INTS3: variants seen among roughly 807,000 people sequenced by gnomAD.
INTS3 encodes the protein integrator complex subunit 3.
In INTS3, 34 loss-of-function variants were observed where a neutral mutation model predicts 146.3. The ratio of observed to expected loss-of-function variants is 0.23; its 90% CI spans 0.18 to 0.31. The LOEUF is 0.31. Among genes scored for constraint, INTS3 ranks in the 10% least tolerant of loss-of-function variants. INTS3 has a pLI of 1.00. For synonymous variants in INTS3, 475 were observed against 494.9 expected (o/e 0.96, Z 0.53); for missense variants, 757 against 1,304.2 (o/e 0.58, Z 6.46).
At chr1:153,734,619 G>C (rs960893457) in intron 1 of INTS3, among the ~76,000 whole-genome samples, 9 of 152,202 alleles carry the variant, frequency 5.9e-5, no homozygotes, top group Non-Finnish European at 1.5e-5. Flanking sequence ...TAGGGAAGGG[G>C]CCTAGAGAAA....
intron 7 of INTS3, 72 bp downstream of exon 7, chr1:153,751,311 T>C: frequency 6.8e-7 from 1 of 1,477,852 alleles, no homozygotes; most frequent in Non-Finnish European, 9.3e-7. Context: ...GTTTATGCAG[T>C]GGAGTCAGAA....
chr1:153,765,566 A>C (rs760758368), intron 20 of INTS3, among the ~76,000 whole-genome samples: 11 of 151,272 alleles, frequency 7.3e-5, no homozygotes, highest in Non-Finnish European at 1.3e-4. Flanking sequence ...TTTTAATTTA[A>C]ATTTTTATTT....
chr1:153,770,108 T>TC, intron 23 of INTS3, 90 bp from the exon 24 acceptor site: 1 of 411,660 alleles, frequency 2.4e-6, no homozygotes, highest in Non-Finnish European at 4.4e-6. Flanking sequence ...TGTGTGCTGG[T>TC]AGTCAGTGGA....
chr1:153,745,620 C>A (rs1467713240), intron 3 of INTS3, among the ~76,000 whole-genome samples: 1 of 151,052 alleles, frequency 6.6e-6, no homozygotes, highest in Admixed American at 6.6e-5. Flanking sequence ...CTAAGGTATT[C>A]CTCCAGGAGT....
At chr1:153,750,943 C>A in intron 6 of INTS3, 152 bp from the exon 7 acceptor site, 1 of 677,690 alleles carries the variant, frequency 1.5e-6, no homozygotes, top group Non-Finnish European at 2.5e-6. Flanking sequence ...TAGATACTAG[C>A]ATGAGTGAGC....
chr1:153,731,577 C>CTTTTTTTTTTTTTTTTTTTTT lies in INTS3; in HGVS notation c.150+2794_150+2795insTTTTTTTTTTTTTTTTTTTTT. Among the ~76,000 whole-genome samples, 2 of 129,230 alleles carry CTTTTTTTTTTTTTTTTTTTTT rather than the reference C, an allele frequency of 1.5e-5. 1 individual carries two copies. 84.8% of individuals were successfully genotyped at this position (129,230 alleles called of 152,430 possible). ...TGAAAGTGGGAGGCCCAAGAGCGTC[C>CTTTTTTTTTTTTTTTTTTTTT]TCTTTTTTTTTTTTTTTTTTTTTGA... On this transcript the variant is annotated intron_variant, in intron 1 of 29. Coordinates refer to ENST00000318967, the MANE Select transcript of INTS3 (RefSeq NM_023015.5).
At position 153,772,615 on chromosome 1, in the gene INTS3, C is replaced by T. The variant is rs138494033; in HGVS notation, c.2822-24C>T. The T allele has an allele frequency of 1.2e-4, 186 of 1,614,164 alleles. No individual in the cohort carries two copies. The African/African-American group carries it at 2.1e-3, about 18-fold the overall frequency. ...CAGACATCTGATTGTTTTTCCTTCC[C>T]TGCTCTCCCTTTTCTTCCTCTAGTT... On this transcript the variant is annotated intron_variant, in intron 27 of 29. Coordinates refer to ENST00000318967, the MANE Select transcript of INTS3 (RefSeq NM_023015.5). The surrounding 1 kb of genome is among the most constrained non-coding windows in gnomAD (Gnocchi z 4.6).
chr1:153,728,489 G>A lies in INTS3; in HGVS notation c.-146G>A. 1 of 960,450 alleles carries A rather than the reference G, an allele frequency of 1.0e-6. No individual in the cohort carries two copies. Among genetic ancestry groups the A allele is most frequent in the Non-Finnish European group, 1.5e-6 (1 of 655,262 alleles). 59.5% of individuals were successfully genotyped at this position (960,450 alleles called of 1,614,324 possible). On this transcript the variant is annotated 5_prime_UTR_variant, in exon 1 of 30. Coordinates refer to ENST00000318967, the MANE Select transcript of INTS3 (RefSeq NM_023015.5). ...GCAGGCGCGGCCTTTTGGAGAGGAG[G>A]GAGGAGTGGAGAGGACAGGGGCCCT...
In INTS3 at chr1:153,774,742, G is replaced by A. The variant is rs1033499714; in HGVS notation, c.*1472G>A. ...CCTTTGAAAGTCTAAACCACTGGAGGCTTCTTTTTCCTTCCTCTCTCCTTC... is the reference window on the plus strand; with the variant it reads ...CCTTTGAAAGTCTAAACCACTGGAGACTTCTTTTTCCTTCCTCTCTCCTTC... On this transcript the variant is annotated 3_prime_UTR_variant, in exon 30 of 30. Transcript: ENST00000318967. The A allele has an allele frequency of 4.4e-6, 1 of 225,788 alleles. No homozygotes were observed. The allele number at this position is 225,788 out of a possible 1,614,324, so 14.0% of individuals were successfully genotyped here. A position where few individuals can be genotyped will look rare whatever the true frequency, so the allele number is the denominator to read the frequency against.
intron 6 of INTS3, among the ~76,000 whole-genome samples, chr1:153,749,253 G>A (rs1184094713): frequency 6.6e-6 from 1 of 152,142 alleles, no homozygotes; most frequent in Non-Finnish European, 1.5e-5. Context: ...CAGTGGTAGA[G>A]GGTGCATCAG....
At chr1:153,771,527 G>A (rs1427771799) in intron 25 of INTS3, among the ~76,000 whole-genome samples, 4 of 152,144 alleles carry the variant, frequency 2.6e-5, no homozygotes, top group Non-Finnish European at 5.9e-5. Flanking sequence ...GACTGTTCTA[G>A]GGGAGGAGGA....
At chr1:153,755,097 C>T (rs1454825884) in intron 9 of INTS3, among the ~76,000 whole-genome samples, 1 of 152,128 alleles carries the variant, frequency 6.6e-6, no homozygotes, top group Admixed American at 6.5e-5. Flanking sequence ...CTAAGAAACC[C>T]ACGATTGCTC....
At chr1:153,768,865 G>T in intron 21 of INTS3, 28 bp from the exon 22 acceptor site, 1 of 1,586,994 alleles carries the variant, frequency 6.3e-7, no homozygotes, top group East Asian at 2.2e-5. Context: ...GCCCATCCAG[G>T]ACTCTTCCCC....
At chr1:153,736,908 C>T (rs1003591659) in intron 1 of INTS3, among the ~76,000 whole-genome samples, 41 of 151,776 alleles carry the variant, frequency 2.7e-4, no homozygotes, top group African/African-American at 9.7e-4. Flanking sequence ...GGACTACAGG[C>T]GCCTGCCACC....
Position 153,771,906 on chromosome 1 carries a change from C to T in INTS3, c.2663C>T (p.Ala888Val). Residue 888 changes from alanine to valine, a missense_variant, in exon 26 of 30, where the codon GCC (alanine) becomes GTC (valine). Ala to Val is a moderately conservative substitution (Grantham distance 64). Transcript: ENST00000318967. Reference protein sequence around the residue: ...HWCMKHDELLAEHIKSLLIKN... With the variant: ...HWCMKHDELLVEHIKSLLIKN... The stretch of plus-strand genomic sequence containing the variant: ...TGCATGAAACATGACGAGCTGCTGG[C>T]CGAGCACATCAAGTCCCTGCTCATC... The T allele has an allele frequency of 8.1e-6, 13 of 1,614,100 alleles. No individual in the cohort carries two copies. The highest frequency in any genetic ancestry group is 1.1e-5 in the Non-Finnish European group (13 of 1,180,010).
At chr1:153,739,368 G>GTCCC (rs1671429898) in intron 1 of INTS3, among the ~76,000 whole-genome samples, 1 of 147,324 alleles carries the variant, frequency 6.8e-6, no homozygotes, top group Admixed American at 6.8e-5. Context: ...CCCGGCCGGA[G>GTCCC]TTTCACTCTT....
intron 25 of INTS3, 130 bp downstream of exon 25, chr1:153,770,863 C>T: frequency 2.7e-6 from 2 of 735,626 alleles, no homozygotes; most frequent in Non-Finnish European, 4.8e-6. Flanking sequence ...TTATTCTGCC[C>T]TTCCCCCAAC....
chr1:153,733,063 G>A (rs1285750215), intron 1 of INTS3, among the ~76,000 whole-genome samples: 3 of 149,224 alleles, frequency 2.0e-5, no homozygotes, highest in African/African-American at 2.5e-5. Context: ...GGCTGGTCTC[G>A]AACTCCTGAC....
intron 3 of INTS3, 75 bp downstream of exon 3, chr1:153,741,443 T>A: frequency 9.3e-7 from 1 of 1,075,904 alleles, no homozygotes. Flanking sequence ...ACAGTTTAAC[T>A]GGGGTAGTAT....
Sources: allele counts gnomAD v4.1 joint callset (sites outside exome capture counted in the v4.1 genomes callset), GRCh38; gene constraint gnomAD v4.1.1; non-coding constraint Gnocchi (gnomAD v3.1); transcripts MANE v1.5; gene names NCBI Gene and HGNC (gene_info 2026-07-23, HGNC 2026-07-21).